Variants in SLC17A2 observed in about 807,000 individuals in gnomAD.
The protein encoded by SLC17A2 is sodium-dependent phosphate transport protein 3.
SLC17A2 carries 38 observed loss-of-function variants against 52.1 expected under a neutral mutation model. The observed-to-expected ratio is 0.73, with a 90% CI of 0.56 to 0.96. SLC17A2 has a LOEUF of 0.96. SLC17A2 is among the 40% of genes least tolerant of loss of function. The pLI is 0.00. For missense variants in SLC17A2, 508 were observed against 583.9 expected (o/e 0.87, Z 1.34); for synonymous variants, 226 against 211.9 (o/e 1.07, Z -0.58).
At chr6:25,914,535 A>G (rs753569671) in intron 11 of SLC17A2, 45 bp downstream of exon 11, 1 of 1,263,584 alleles carries the variant, frequency 7.9e-7, no homozygotes, top group East Asian at 2.3e-5. Flanking sequence ...TCCAACACCT[A>G]AAACAATACC....
At position 25,923,723 on chromosome 6, in the gene SLC17A2, C is replaced by T; in HGVS notation, c.212G>A (p.Ser71Asn). 6.2e-7 allele frequency: 1 copy of T among 1,614,024 alleles called. No individual in the cohort carries two copies. The highest frequency in any genetic ancestry group is 8.5e-7 in the Non-Finnish European group (1 of 1,179,970). Residue 71 changes from serine (S) to asparagine (N), a missense_variant, in exon 3 of 12, where the codon AGC becomes AAC. Transcript: ENST00000377850. ...TGTATCAAATTCCTTGATGGATATG[C>T]TGGAGTTATTGAAGGCATCTGCAAC... Reference protein sequence around the residue: ...GPVADAFNNSSISIKEFDTKA... With the variant: ...GPVADAFNNSNISIKEFDTKA...
Position 25,918,538 on chromosome 6 carries a change from C to G in SLC17A2, c.598G>C (p.Gly200Arg). The change falls in exon 6 of 12, where the codon GGG becomes CGG. Residue 200 changes from glycine to arginine, a missense_variant. By Grantham distance (125) the Gly-to-Arg change is moderately radical. Transcript: ENST00000377850. ...CTCAAGGCCTGTGAGATTAGTCCCC[C>G]CACACAGAGGATGATGAAGGATCCA... is the stretch of plus-strand genomic sequence containing the variant. ...AFGSFIILCV[G>R]GLISQALSWP... 2 of 1,613,610 alleles carry G rather than the reference C, an allele frequency of 1.2e-6. No homozygotes were observed. Among genetic ancestry groups the G allele is most frequent in the Non-Finnish European group, 1.7e-6 (2 of 1,179,590 alleles).
chr6:25,913,227 C>A lies in SLC17A2; in HGVS notation c.*90G>T. ...AACACACAGCCAGAGTTAAGAACTG[C>A]TGAGTCTATGGTCAGGAATATGGAG... On this transcript the variant is annotated 3_prime_UTR_variant, in exon 12 of 12. Coordinates refer to ENST00000377850, the MANE Select transcript of SLC17A2 (RefSeq NM_001286123.3). 1 of 1,407,042 alleles carries A rather than the reference C, an allele frequency of 7.1e-7. No individual in the cohort carries two copies. Among genetic ancestry groups the A allele is most frequent in the Non-Finnish European group, 1.0e-6 (1 of 996,092 alleles). 87.2% of individuals were successfully genotyped at this position (1,407,042 alleles called of 1,614,324 possible). A position where few individuals can be genotyped will look rare whatever the true frequency, so the allele number is the denominator to read the frequency against.
rs757078704 is a variant in SLC17A2, at chr6:25,923,874, C to T, written c.61G>A (p.Ala21Thr). 6.2e-7 allele frequency: 1 copy of T among 1,614,126 alleles called. No individual in the cohort carries two copies. Among genetic ancestry groups the T allele is most frequent in the Non-Finnish European group, 8.5e-7 (1 of 1,180,014 alleles). The change falls in exon 3 of 12, where the codon GCT (alanine) becomes ACT (threonine). Residue 21 changes from alanine (A) to threonine (T), a missense_variant. Transcript: ENST00000377850. ...AAGTTTGAGAAGTGCATGATAAGAG[C>T]CAGCCCATAGCGTAATGAACAGAAA... ...PDFCSLRYGL[A>T]LIMHFSNFTM... is the part of the protein sequence containing the mutation.
At chr6:25,921,486 G>T in intron 3 of SLC17A2, 74 bp from the exon 4 acceptor site, 1 of 947,968 alleles carries the variant, frequency 1.1e-6, no homozygotes, top group Non-Finnish European at 1.6e-6. Context: ...AGAGTTGCTT[G>T]AGGTTAGTGA....
intron 2 of SLC17A2, 104 bp from the exon 3 acceptor site, chr6:25,924,010 G>T (rs1296748200): frequency 1.1e-6 from 1 of 871,880 alleles, no homozygotes; most frequent in African/African-American, 1.7e-5. Flanking sequence ...GACACATGAA[G>T]TCTCATTGTC....
intron 1 of SLC17A2, among the ~76,000 whole-genome samples, chr6:25,927,245 T>A (rs1344784160): frequency 2.0e-5 from 3 of 152,202 alleles, no homozygotes; most frequent in Non-Finnish European, 2.9e-5. Flanking sequence ...TCCAAAAATA[T>A]CCTTTGTAGT....
chr6:25,921,108 A>T lies in SLC17A2; in HGVS notation c.475-15T>A. 1 of 1,614,014 alleles carries T rather than the reference A, an allele frequency of 6.2e-7. No individual in the cohort carries two copies. Among genetic ancestry groups the T allele is most frequent in the South Asian group, 1.1e-5 (1 of 91,074 alleles). On this transcript the variant is annotated splice_polypyrimidine_tract_variant and intron_variant, in intron 4 of 11. Transcript: ENST00000377850. Reference sequence around the variant, plus strand: ...CATGCCATTCCCTGAAATGAAAATCATTAAGACCTTTGATATTTTGTAGAA... The same window carrying T: ...CATGCCATTCCCTGAAATGAAAATCTTTAAGACCTTTGATATTTTGTAGAA...
chr6:25,916,074 T>C (rs1280106879), intron 8 of SLC17A2, among the ~76,000 whole-genome samples: 1 of 152,022 alleles, frequency 6.6e-6, no homozygotes, highest in Non-Finnish European at 1.5e-5. Context: ...AAAAGCAATA[T>C]TAATTTCTTG....
intron 5 of SLC17A2, among the ~76,000 whole-genome samples, chr6:25,919,750 G>A (rs151079197): frequency 3.9e-4 from 50 of 128,142 alleles, no homozygotes; most frequent in Admixed American, 1.1e-3. Context: ...TTTTACATAA[G>A]CTATGCAATA....
At chr6:25,924,131 C>A (rs1193502081) in intron 2 of SLC17A2, among the ~76,000 whole-genome samples, 1 of 152,116 alleles carries the variant, frequency 6.6e-6, no homozygotes, top group African/African-American at 2.4e-5. Flanking sequence ...ATATGGCCAT[C>A]TTTCAAGGGG....
chr6:25,916,660 G>A (rs76376636), intron 8 of SLC17A2, 25 bp downstream of exon 8: 42,120 of 1,579,956 alleles, frequency 0.027, 722 homozygotes, highest in Non-Finnish European at 0.031. Flanking sequence ...TATCATTTTC[G>A]TAGAAGTATA....
chr6:25,914,362 C>G (rs1343349205), intron 11 of SLC17A2, among the ~76,000 whole-genome samples: 1 of 152,164 alleles, frequency 6.6e-6, no homozygotes, highest in African/African-American at 2.4e-5. Flanking sequence ...GTCTTCTGCA[C>G]CGGAACAGCT....
intron 1 of SLC17A2, 22 bp from the exon 2 acceptor site, chr6:25,925,901 A>C (rs1248332556): frequency 8.6e-7 from 1 of 1,158,720 alleles, no homozygotes; most frequent in East Asian, 2.3e-5. Context: ...ACATAATCCA[A>C]AACATAATAC....
Position 25,914,616 on chromosome 6 carries a change from G to C in SLC17A2, c.1266C>G (p.Ile422Met), listed in dbSNP as rs1357231909. ...ISRGFGLIAG[I>M]ISSTATGFLI... ...GGAATCCAGTGGCAGTGGAAGAGATGATTCCTGCGATGAGCCCAAATCCCC... is the reference window on the plus strand; with the variant it reads ...GGAATCCAGTGGCAGTGGAAGAGATCATTCCTGCGATGAGCCCAAATCCCC... Residue 422 changes from isoleucine (I) to methionine (M), a missense_variant, in exon 11 of 12, where the codon ATC (isoleucine) becomes ATG (methionine). Physicochemically the swap from Ile to Met is conservative, Grantham distance 10. Transcript: ENST00000377850. 6.2e-7 allele frequency: 1 copy of C among 1,613,232 alleles called. No individual in the cohort carries two copies. Among genetic ancestry groups the C allele is most frequent in the Non-Finnish European group, 8.5e-7 (1 of 1,179,164 alleles).
At chr6:25,923,020 C>T (rs776374535) in intron 3 of SLC17A2, among the ~76,000 whole-genome samples, 81 of 152,034 alleles carry the variant, frequency 5.3e-4, no homozygotes, top group Non-Finnish European at 6.8e-4. Context: ...AACCCTGTCT[C>T]TACTAAAAAT....
chr6:25,924,404 G>C (rs1272058250), intron 2 of SLC17A2, among the ~76,000 whole-genome samples: 8 of 151,930 alleles, frequency 5.3e-5, no homozygotes, highest in Non-Finnish European at 1.2e-4. Flanking sequence ...ACATTTGAGA[G>C]ATGGTACTTT....
At chr6:25,930,239 C>G (rs1290533548) in intron 1 of SLC17A2, 38 bp downstream of exon 1, 1 of 152,288 alleles carries the variant, frequency 6.6e-6, no homozygotes, top group African/African-American at 2.4e-5. Context: ...ACAGCCAATC[C>G]CAGTCTGACT....
Position 25,914,727 on chromosome 6 carries a change from C to T in SLC17A2, c.1212-57G>A, listed in dbSNP as rs1203319572. On this transcript the variant is annotated intron_variant, in intron 10 of 11. Transcript: ENST00000377850. ...TATAGAAAGCCACCTACAGCTTCTG[C>T]AGCAACTCAACTTTAATGCAATTCA... The T allele has an allele frequency of 2.2e-5, 24 of 1,093,738 alleles. No individual in the cohort carries two copies. In the South Asian group the frequency reaches 2.5e-4, roughly 11 times the overall value. 67.8% of individuals were successfully genotyped at this position (1,093,738 alleles called of 1,614,324 possible).
Sources: gnomAD v4.1 joint callset for allele counts (sites outside exome capture counted in the v4.1 genomes callset) on GRCh38, gnomAD v4.1.1 for gene constraint, MANE v1.5 for transcripts, NCBI Gene and HGNC (gene_info 2026-07-23, HGNC 2026-07-21) for gene names.